The following CNTN3 variants were observed in gnomAD, a reference collection of about 807,000 sequenced individuals.
CNTN3 encodes contactin-3.
A neutral mutation model predicts 119.1 loss-of-function variants in CNTN3; 60 were observed. The ratio of observed to expected loss-of-function variants is 0.50; its 90% CI spans 0.41 to 0.62. CNTN3 has a LOEUF of 0.62. Among genes scored for constraint, CNTN3 ranks in the 20% least tolerant of loss-of-function variants. CNTN3 has a pLI of 0.00. For missense variants in CNTN3, 1,101 were observed against 1,242.4 expected (o/e 0.89, Z 1.71); for synonymous variants, 450 against 438.7 (o/e 1.03, Z -0.32).
intron 5 of CNTN3, among the ~76,000 whole-genome samples, chr3:74,382,698 T>G (rs905260903): frequency 6.6e-6 from 1 of 152,242 alleles, no homozygotes; most frequent in Non-Finnish European, 1.5e-5. Flanking sequence ...ATGACAGAAT[T>G]TCCTCCTTTG....
chr3:74,611,925 T>G (rs373023182), intron 1 of CNTN3, among the ~76,000 whole-genome samples: 21 of 152,298 alleles, frequency 1.4e-4, no homozygotes, highest in East Asian at 1.4e-3. Flanking sequence ...CATCTGAATA[T>G]ATTCCACTAC....
rs572523354 is a variant in CNTN3, at chr3:74,296,129, C to T, written c.2402-893G>A. Among the ~76,000 whole-genome samples, 4 of 152,204 alleles carry T rather than the reference C, an allele frequency of 2.6e-5. No homozygotes were observed. The South Asian group carries it at 6.2e-4, about 24-fold the overall frequency. On this transcript the variant is annotated intron_variant, in intron 18 of 22. Coordinates refer to ENST00000263665, the MANE Select transcript of CNTN3 (RefSeq NM_020872.3). ...TTGCTGCATAACTCTCCCTTGGATT[C>T]ACAGAGACACCCTAGTAGATTTCAC...
intron 9 of CNTN3, among the ~76,000 whole-genome samples, chr3:74,364,809 A>G (rs1164023356): frequency 6.6e-6 from 1 of 152,184 alleles, no homozygotes; most frequent in East Asian, 1.9e-4. Context: ...GCATCCTTCA[A>G]TCCAAAAGTA....
intron 1 of CNTN3, among the ~76,000 whole-genome samples, chr3:74,569,816 G>A (rs973023430): frequency 5.9e-5 from 9 of 152,100 alleles, no homozygotes; most frequent in African/African-American, 2.2e-4. Flanking sequence ...GATCTCCCCT[G>A]AGGCTTGAGG....
At chr3:74,613,332 T>A (rs548809425) in intron 1 of CNTN3, among the ~76,000 whole-genome samples, 5 of 151,498 alleles carry the variant, frequency 3.3e-5, no homozygotes, top group Non-Finnish European at 7.4e-5. Context: ...TGGATTTACC[T>A]ACTCACCATA....
chr3:74,301,814 G>A lies in CNTN3; in HGVS notation c.1787-9C>T, dbSNP rs761918654. 18 of 1,612,946 alleles carry A rather than the reference G, an allele frequency of 1.1e-5. No individual in the cohort carries two copies. The East Asian group carries it at 3.1e-4, about 28-fold the overall frequency. On this transcript the variant is annotated splice_polypyrimidine_tract_variant and intron_variant, in intron 14 of 22. Transcript: ENST00000263665. ...TGGTGGTCCAGGTGAACCTAAGGAAGGCACAAATGGAAACATTGAGTAGCA... is the reference window on the plus strand; with the variant it reads ...TGGTGGTCCAGGTGAACCTAAGGAAAGCACAAATGGAAACATTGAGTAGCA...
In CNTN3 at chr3:74,298,153, C is replaced by T. The variant is rs146077359; in HGVS notation, c.2205G>A (p.Gly735=). 1.1e-5 allele frequency: 18 copies of T among 1,606,982 alleles called. No homozygotes were observed. The South Asian group carries it at 1.8e-4, about 16-fold the overall frequency. Reference sequence around the variant, plus strand: ...CAAGAGGGCGGAAAGCAACAACATACCCAAAACCTTCACCATTCTGTAGTT... The same window carrying T: ...CAAGAGGGCGGAAAGCAACAACATATCCAAAACCTTCACCATTCTGTAGTT... ...PEELQNGEGF[G]YVVAFRPLGV... The change falls in exon 18 of 23, where the codon GGG becomes GGA. Residue 735 remains glycine, a synonymous_variant. Transcript: ENST00000263665.
chr3:74,586,855 T>C (rs1426165249), intron 1 of CNTN3, among the ~76,000 whole-genome samples: 1 of 152,040 alleles, frequency 6.6e-6, no homozygotes, highest in Non-Finnish European at 1.5e-5. Context: ...GACAAAAAGA[T>C]ATTAAATGTC....
chr3:74,442,644 G>A lies in CNTN3; in HGVS notation c.359-17704C>T, dbSNP rs1366050683. Among the ~76,000 whole-genome samples the A allele has an allele frequency of 1.9e-4, 29 of 152,104 alleles. 1 individual carries two copies. Among genetic ancestry groups the A allele is most frequent in the Non-Finnish European group, 1.5e-5 (1 of 68,018 alleles). ...GATGCATAACCCATCTATAGGGACTGGCTAACATACAAGCCTGTAGGTGAG... is the reference window on the plus strand; with the variant it reads ...GATGCATAACCCATCTATAGGGACTAGCTAACATACAAGCCTGTAGGTGAG... On this transcript the variant is annotated intron_variant, in intron 4 of 22. Transcript: ENST00000263665.
At chr3:74,285,788 G>GATATAT (rs1702098983) in intron 19 of CNTN3, among the ~76,000 whole-genome samples, 2 of 84,632 alleles carry the variant, frequency 2.4e-5, no homozygotes, top group Non-Finnish European at 4.8e-5. Context: ...GAATGAAGGG[G>GATATAT]AGATATATAT....
At chr3:74,464,495 A>G (rs953033870) in intron 4 of CNTN3, among the ~76,000 whole-genome samples, 2 of 152,174 alleles carry the variant, frequency 1.3e-5, no homozygotes, top group Non-Finnish European at 2.9e-5. Flanking sequence ...AAAGAATGTC[A>G]GTGGAAGGAT....
At chr3:74,267,923 C>T (rs1701696245) in intron 20 of CNTN3, among the ~76,000 whole-genome samples, 1 of 151,956 alleles carries the variant, frequency 6.6e-6, no homozygotes, top group Non-Finnish European at 1.5e-5. Context: ...TGGAGCCAGC[C>T]TTGTATGATA....
At chr3:74,265,566 A>C (rs1267751685) in intron 22 of CNTN3, among the ~76,000 whole-genome samples, 1 of 152,188 alleles carries the variant, frequency 6.6e-6, no homozygotes, top group Non-Finnish European at 1.5e-5. Flanking sequence ...TGCAATAAGT[A>C]GTTCCTGTTT....
At chr3:74,462,423 C>A (rs771884224) in intron 4 of CNTN3, among the ~76,000 whole-genome samples, 19 of 152,052 alleles carry the variant, frequency 1.2e-4, no homozygotes, top group Non-Finnish European at 2.8e-4. Flanking sequence ...TCCATAGGAA[C>A]TTTCATGTCT....
At position 74,278,665 on chromosome 3, in the gene CNTN3, AC is replaced by A. The variant is rs1460384792; in HGVS notation, c.2704+6639del. On this transcript the variant is annotated intron_variant, in intron 20 of 22. Coordinates refer to ENST00000263665, the MANE Select transcript of CNTN3 (RefSeq NM_020872.3). ...GAAACTACAAAAATTCTAGAAGATA[AC>A]ATTGGAAAAACGCTTCTCAACATTA... Among the ~76,000 whole-genome samples, 3 of 152,216 alleles carry A rather than the reference AC, an allele frequency of 2.0e-5. No homozygotes were observed. The East Asian group carries it at 5.8e-4, about 29-fold the overall frequency.
chr3:74,439,199 A>G (rs1045984571), intron 4 of CNTN3, among the ~76,000 whole-genome samples: 3 of 152,226 alleles, frequency 2.0e-5, no homozygotes, highest in Admixed American at 6.5e-5. Flanking sequence ...TTAAAGGATC[A>G]ATGATGACTT....
chr3:74,556,112 T>C (rs1348477374), intron 1 of CNTN3, among the ~76,000 whole-genome samples: 1 of 152,180 alleles, frequency 6.6e-6, no homozygotes, highest in Non-Finnish European at 1.5e-5. Context: ...ATTATGGTGA[T>C]AATGCCCACT....
At position 74,460,772 on chromosome 3, in the gene CNTN3, CATATATATATATATATATATATATATAT is replaced by C. The variant is rs71129755; in HGVS notation, c.358+25656_358+25683del. ...TAGAGATAGTTTTATTTCTTATTTT[CATATATATATATATATATATATATATAT>C]ATATATATATATATATATGCCTTTC... On this transcript the variant is annotated intron_variant, in intron 4 of 22. Transcript: ENST00000263665. Among the ~76,000 whole-genome samples the C allele has an allele frequency of 8.5e-4, 76 of 89,516 alleles. 3 individuals are homozygous for C. The highest frequency in any genetic ancestry group is 2.9e-3 in the South Asian group (6 of 2,040). 58.7% of individuals were successfully genotyped at this position (89,516 alleles called of 152,430 possible). A position where few individuals can be genotyped will look rare whatever the true frequency, so the allele number is the denominator to read the frequency against.
chr3:74,403,551 T>A (rs1705251139), intron 5 of CNTN3, among the ~76,000 whole-genome samples: 1 of 152,152 alleles, frequency 6.6e-6, no homozygotes, highest in South Asian at 2.1e-4. Flanking sequence ...CAGAAAGGAA[T>A]GTGAGATCTA....
Sources: allele counts gnomAD v4.1 joint callset (sites outside exome capture counted in the v4.1 genomes callset), GRCh38; gene constraint gnomAD v4.1.1; transcripts MANE v1.5; gene names NCBI Gene and HGNC (gene_info 2026-07-23, HGNC 2026-07-21).